Variants in LRMDA observed in about 807,000 individuals in gnomAD.
LRMDA encodes the protein leucine-rich melanocyte differentiation-associated protein.
LRMDA carries 18 observed loss-of-function variants against 29.8 expected under a neutral mutation model. The ratio of observed to expected loss-of-function variants is 0.60; its 90% CI spans 0.42 to 0.90. The LOEUF (loss-of-function observed/expected upper bound fraction) is 0.90, where lower values mean the gene tolerates loss of function less well. Ranked by LOEUF, LRMDA falls within the 40% of genes least tolerant of loss-of-function variation. The probability of loss-of-function intolerance (pLI) is 0.00; values close to 1 mark genes in which losing one functional copy is unlikely to be tolerated. For synonymous variants in LRMDA, 125 were observed against 109.4 expected (o/e 1.14, Z -0.89); for missense variants, 273 against 273.9 (o/e 1.00, Z 0.02).
chr10:76,336,010 T>A (rs570149000), intron 6 of LRMDA, among the ~76,000 whole-genome samples: 1 of 150,602 alleles, frequency 6.6e-6, no homozygotes, highest in South Asian at 2.1e-4. Flanking sequence ...CAGGAGGGAG[T>A]CTATTAAGAT....
At chr10:76,147,082 G>T (rs555353046) in intron 5 of LRMDA, among the ~76,000 whole-genome samples, 134 of 152,266 alleles carry the variant, frequency 8.8e-4, no homozygotes, top group African/African-American at 3.1e-3. Context: ...TTCCCTTTGT[G>T]GGTAACCCGA....
intron 2 of LRMDA, among the ~76,000 whole-genome samples, chr10:75,930,426 A>G (rs11001555): frequency 0.32 from 49,111 of 151,904 alleles, 9,535 homozygotes; most frequent in Non-Finnish European, 0.44. Context: ...CCATTTGGAG[A>G]AATCTGGACT....
At chr10:75,544,391 A>G (rs1840053101) in intron 2 of LRMDA, among the ~76,000 whole-genome samples, 1 of 152,178 alleles carries the variant, frequency 6.6e-6, no homozygotes, top group Non-Finnish European at 1.5e-5. Context: ...AATGAAAAGG[A>G]TTATTTTGGG....
rs533491615 is a variant in LRMDA at position 76,018,180 on chromosome 10, C to T, written c.132-17828C>T. On this transcript the variant is annotated intron_variant, in intron 2 of 6. Coordinates refer to ENST00000611255, the MANE Select transcript of LRMDA (RefSeq NM_001305581.2). ...ATAGACAGAGCAAAAGTCTTATCCT[C>T]GATCTAATCCAGGGTTTCTTAACCT... Among the ~76,000 whole-genome samples, 6 of 152,304 alleles carry T rather than the reference C, an allele frequency of 3.9e-5. No homozygotes were observed. The East Asian group carries it at 5.8e-4, about 15-fold the overall frequency.
intron 2 of LRMDA, among the ~76,000 whole-genome samples, chr10:75,919,701 G>T (rs1416696942): frequency 6.6e-6 from 1 of 152,146 alleles, no homozygotes; most frequent in Non-Finnish European, 1.5e-5. Flanking sequence ...ATTCTGTAAA[G>T]TTGTATCTAA....
rs117236705 is a variant in LRMDA, at chr10:75,838,510, C to A, written c.132-197498C>A. On this transcript the variant is annotated intron_variant, in intron 2 of 6. Coordinates refer to ENST00000611255, the MANE Select transcript of LRMDA (RefSeq NM_001305581.2). ...CTTCGAACTCTTGGATTCTAGCTGGCATGCCAGCTGATTTGTGTGGGTCAT... is the reference window on the plus strand; with the variant it reads ...CTTCGAACTCTTGGATTCTAGCTGGAATGCCAGCTGATTTGTGTGGGTCAT... 7.0e-3 allele frequency among the ~76,000 whole-genome samples: 1,068 copies of A among 152,242 alleles called. 2 individuals are homozygous for A. Among genetic ancestry groups the A allele is most frequent in the Non-Finnish European group, 0.012 (800 of 68,010 alleles).
intron 2 of LRMDA, among the ~76,000 whole-genome samples, chr10:75,475,033 T>C (rs1844773260): frequency 6.6e-6 from 1 of 152,198 alleles, no homozygotes; most frequent in Non-Finnish European, 1.5e-5. Context: ...CACATAGTCA[T>C]GTTCAAATGT....
intron 2 of LRMDA, among the ~76,000 whole-genome samples, chr10:75,695,015 C>T (rs1842216926): frequency 1.3e-5 from 2 of 152,178 alleles, no homozygotes; most frequent in Admixed American, 6.5e-5. Context: ...GTTTGCCACA[C>T]CACTTGCCTG....
intron 6 of LRMDA, among the ~76,000 whole-genome samples, chr10:76,519,848 TAAG>T (rs1349234481): frequency 6.6e-6 from 1 of 152,014 alleles, no homozygotes; most frequent in East Asian, 1.9e-4. Flanking sequence ...CTTTTATTTG[TAAG>T]AAATGTTTAC....
At chr10:75,668,373 G>A (rs1316760659) in intron 2 of LRMDA, among the ~76,000 whole-genome samples, 1 of 152,192 alleles carries the variant, frequency 6.6e-6, no homozygotes, top group African/African-American at 2.4e-5. Flanking sequence ...CTGCCTCCAT[G>A]AAGGTGTATC....
At chr10:75,905,534 T>A (rs1309465388) in intron 2 of LRMDA, among the ~76,000 whole-genome samples, 1 of 151,910 alleles carries the variant, frequency 6.6e-6, no homozygotes, top group Non-Finnish European at 1.5e-5. Flanking sequence ...AATTATCACA[T>A]GTATACCAAA....
At chr10:76,384,427 A>G (rs1312046285) in intron 6 of LRMDA, among the ~76,000 whole-genome samples, 1 of 152,232 alleles carries the variant, frequency 6.6e-6, no homozygotes, top group East Asian at 1.9e-4. Context: ...TTCATATTTT[A>G]TACCGAATGT....
chr10:76,021,289 A>G (rs560562373), intron 2 of LRMDA, among the ~76,000 whole-genome samples: 56 of 152,314 alleles, frequency 3.7e-4, no homozygotes, highest in African/African-American at 1.1e-3. Flanking sequence ...GTCAATAGTG[A>G]GCAGGTGGGG....
intron 6 of LRMDA, among the ~76,000 whole-genome samples, chr10:76,503,579 T>C (rs1041795779): frequency 2.6e-5 from 4 of 151,918 alleles, no homozygotes; most frequent in African/African-American, 9.7e-5. Context: ...TCCACGAATT[T>C]ATCCATTTCC....
chr10:76,214,457 G>C (rs367658231), intron 5 of LRMDA, among the ~76,000 whole-genome samples: 1 of 147,928 alleles, frequency 6.8e-6, no homozygotes. Context: ...CCATTCTCCT[G>C]CCTCAGCCTC....
In LRMDA at chr10:76,149,896, C is replaced by T. The variant is rs114058286; in HGVS notation, c.516+91113C>T. Among the ~76,000 whole-genome samples the T allele has an allele frequency of 6.3e-3, 965 of 152,250 alleles. 12 individuals carry two copies. The highest frequency in any genetic ancestry group is 0.022 in the African/African-American group (900 of 41,548). ...TCAGACACCTGGTTGGAAACAGAGC[C>T]TGTGGGAATGGGCACCTGGTTGATG... On this transcript the variant is annotated intron_variant, in intron 5 of 6. Transcript: ENST00000611255.
At chr10:75,464,055 G>C (rs1432679120) in intron 2 of LRMDA, among the ~76,000 whole-genome samples, 4 of 152,208 alleles carry the variant, frequency 2.6e-5, no homozygotes, top group African/African-American at 9.7e-5. Context: ...ACCCGCCTCG[G>C]CCTCCCAAAG....
intron 2 of LRMDA, among the ~76,000 whole-genome samples, chr10:75,466,771 CT>C (rs1044700839): frequency 6.6e-6 from 1 of 152,110 alleles, no homozygotes; most frequent in African/African-American, 2.4e-5. Flanking sequence ...GAAACTCCCC[CT>C]ACTGAATCTA....
intron 5 of LRMDA, among the ~76,000 whole-genome samples, chr10:76,176,007 C>T (rs867431040): frequency 3.3e-5 from 5 of 152,190 alleles, no homozygotes; most frequent in African/African-American, 9.6e-5. Context: ...AGGAATGAGC[C>T]GGGCCTGGAG....
Sources: allele counts gnomAD v4.1 joint callset (sites outside exome capture counted in the v4.1 genomes callset), GRCh38; gene constraint gnomAD v4.1.1; transcripts MANE v1.5; gene names NCBI Gene and HGNC (gene_info 2026-07-23, HGNC 2026-07-21).